The following FOXP2 variants were observed in gnomAD, a reference collection of about 807,000 sequenced individuals.
FOXP2 encodes the protein forkhead box protein P2.
In FOXP2, 12 loss-of-function variants were observed where a neutral mutation model predicts 115.8. That is an observed-to-expected ratio of 0.10 (90% confidence interval 0.07 to 0.17). The LOEUF is 0.17. Among genes scored for constraint, FOXP2 ranks in the 10% least tolerant of loss-of-function variants. The probability of loss-of-function intolerance (pLI) is 1.00; values close to 1 mark genes in which losing one functional copy is unlikely to be tolerated. For synonymous variants in FOXP2, 328 were observed against 297.7 expected, an observed-to-expected ratio of 1.10 and a Z score of -1.05; for missense variants, 629 against 843.5, an observed-to-expected ratio of 0.75 and a Z score of 3.15.
chr7:114,580,338 G>A (rs905490797), intron 3 of FOXP2, among the ~76,000 whole-genome samples: 3 of 152,208 alleles, frequency 2.0e-5, no homozygotes, highest in Admixed American at 1.3e-4. Flanking sequence ...AGCACTTTGG[G>A]AGGCTGAGGC....
chr7:114,333,821 T>G (rs755671909), intron 2 of FOXP2, among the ~76,000 whole-genome samples: 1 of 151,180 alleles, frequency 6.6e-6, no homozygotes, highest in East Asian at 2.0e-4. Context: ...CCAGTAGGCA[T>G]AGGGTGCATT....
chr7:114,607,013 C>G (rs894350460), intron 3 of FOXP2, among the ~76,000 whole-genome samples: 1 of 152,164 alleles, frequency 6.6e-6, no homozygotes, highest in Non-Finnish European at 1.5e-5. Context: ...TCCACTGATT[C>G]TAGAGCCTAC....
At chr7:114,170,678 CCCTAAGCCAAAG>C (rs1562990511) in intron 1 of FOXP2, among the ~76,000 whole-genome samples, 1 of 152,182 alleles carries the variant, frequency 6.6e-6, no homozygotes, top group Non-Finnish European at 1.5e-5. Flanking sequence ...CACAACATTC[CCCTAAGCCAAAG>C]CCTAATAAAG....
At chr7:114,594,713 A>C (rs2129310060) in intron 3 of FOXP2, among the ~76,000 whole-genome samples, 1 of 152,198 alleles carries the variant, frequency 6.6e-6, no homozygotes, top group South Asian at 2.1e-4. Context: ...TATGTTCATA[A>C]GAATATGATT....
intron 2 of FOXP2, among the ~76,000 whole-genome samples, chr7:114,316,803 T>C (rs1212879962): frequency 6.6e-6 from 1 of 152,184 alleles, no homozygotes; most frequent in Admixed American, 6.5e-5. Flanking sequence ...AAGCCCATGA[T>C]ACCCAAAATC....
chr7:114,592,640 A>C (rs1802495226), intron 3 of FOXP2, among the ~76,000 whole-genome samples: 1 of 151,996 alleles, frequency 6.6e-6, no homozygotes, highest in Non-Finnish European at 1.5e-5. Context: ...ATAGTGTGTA[A>C]CTATTTTTAA....
intron 16 of FOXP2, among the ~76,000 whole-genome samples, chr7:114,688,230 CACACACACACA>C: frequency 1.7e-5 from 2 of 116,232 alleles, no homozygotes; most frequent in South Asian, 6.2e-4. Flanking sequence ...CACACACACA[CACACACACACA>C]CACACATCTT....
intron 16 of FOXP2, among the ~76,000 whole-genome samples, chr7:114,685,852 TAC>T (rs1808332602): frequency 6.6e-6 from 1 of 152,118 alleles, no homozygotes; most frequent in South Asian, 2.1e-4. Context: ...AAGGAAATAA[TAC>T]AGTGTCTAGG....
intron 3 of FOXP2, among the ~76,000 whole-genome samples, chr7:114,559,151 T>G (rs1449459701): frequency 6.6e-6 from 1 of 152,206 alleles, no homozygotes; most frequent in Non-Finnish European, 1.5e-5. Flanking sequence ...ACCTGTTGAC[T>G]GCTGCCCTCA....
At chr7:114,323,419 A>G (rs1307814974) in intron 2 of FOXP2, among the ~76,000 whole-genome samples, 2 of 152,044 alleles carry the variant, frequency 1.3e-5, no homozygotes, top group African/African-American at 2.4e-5. Context: ...TGAATTTAAT[A>G]TCTATTATTT....
At chr7:114,243,262 GA>G (rs61609626) in intron 1 of FOXP2, among the ~76,000 whole-genome samples, 43,488 of 106,864 alleles carry the variant, frequency 0.41, 6,803 homozygotes, top group African/African-American at 0.48. Context: ...CCATGAGCCA[GA>G]AAAAAAAAAA....
chr7:114,277,566 C>T (rs1278879383), intron 1 of FOXP2, among the ~76,000 whole-genome samples: 3 of 151,956 alleles, frequency 2.0e-5, no homozygotes, highest in Non-Finnish European at 4.4e-5. Context: ...AGCCAGTTTC[C>T]TACAGATTCT....
At chr7:114,168,951 G>A (rs887159639) in intron 1 of FOXP2, among the ~76,000 whole-genome samples, 1 of 152,238 alleles carries the variant, frequency 6.6e-6, no homozygotes, top group Non-Finnish European at 1.5e-5. Flanking sequence ...AGCTTTGGCA[G>A]CTTCCATGTG....
chr7:114,630,101 C>A, intron 5 of FOXP2, 96 bp downstream of exon 5: 1 of 1,593,682 alleles, frequency 6.3e-7, no homozygotes, highest in South Asian at 1.1e-5. Flanking sequence ...TAACAAGGCT[C>A]TTGCTGTCAA....
intron 3 of FOXP2, among the ~76,000 whole-genome samples, chr7:114,609,730 C>T (rs977284077): frequency 6.6e-6 from 1 of 152,170 alleles, no homozygotes; most frequent in Non-Finnish European, 1.5e-5. Flanking sequence ...CTTTTTGTCA[C>T]AATCACTTTC....
chr7:114,510,236 GC>G (rs1255602488), intron 2 of FOXP2, among the ~76,000 whole-genome samples: 1 of 152,114 alleles, frequency 6.6e-6, no homozygotes, highest in Non-Finnish European at 1.5e-5. Context: ...GTGTAATTGA[GC>G]TGTCCTGATT....
chr7:114,090,434 A>G (rs549754847), intron 1 of FOXP2, among the ~76,000 whole-genome samples: 13 of 152,032 alleles, frequency 8.6e-5, no homozygotes, highest in African/African-American at 3.1e-4. Flanking sequence ...ACTCTTTGAT[A>G]AAAGAAAGCC....
Position 114,267,620 on chromosome 7 carries a change from G to A in FOXP2, c.-101-20399G>A, listed in dbSNP as rs1438509514. Among the ~76,000 whole-genome samples, 4 of 151,562 alleles carry A rather than the reference G, an allele frequency of 2.6e-5. No homozygotes were observed. In the South Asian group the frequency reaches 8.3e-4, roughly 31 times the overall value. On this transcript the variant is annotated intron_variant, in intron 1 of 17. Transcript: ENST00000634411. ...TGGGTGCCTGTAGTCCCAACTACTC[G>A]GGAGGCTGAGGCAGGAGAGTCACTT...
At chr7:114,183,251 C>T (rs1793503222) in intron 1 of FOXP2, among the ~76,000 whole-genome samples, 1 of 152,124 alleles carries the variant, frequency 6.6e-6, no homozygotes, top group Non-Finnish European at 1.5e-5. Flanking sequence ...AATCAGATGA[C>T]ATTCTTATTT....
Sources: allele counts gnomAD v4.1 joint callset (sites outside exome capture counted in the v4.1 genomes callset), GRCh38; gene constraint gnomAD v4.1.1; transcripts MANE v1.5; gene names NCBI Gene and HGNC (gene_info 2026-07-23, HGNC 2026-07-21).